CD59: variants seen among roughly 807,000 people sequenced by gnomAD.
CD59 encodes CD59 molecule (CD59 blood group).
CD59 carries 3 observed loss-of-function variants against 7.0 expected under a neutral mutation model. The observed-to-expected ratio is 0.43, with a 90% CI of 0.19 to 1.10. The LOEUF is 1.10. Among genes scored for constraint, CD59 ranks in the 50% least tolerant of loss-of-function variants. The probability of loss-of-function intolerance (pLI) is 0.29; values close to 1 mark genes in which losing one functional copy is unlikely to be tolerated. For missense variants in CD59, 143 were observed against 151.0 expected (o/e 0.95, Z 0.28); for synonymous variants, 60 against 62.0 (o/e 0.97, Z 0.15).
intron 3 of CD59, 81 bp downstream of exon 3, chr11:33,717,289 T>C (rs1853836867): frequency 1.3e-6 from 1 of 799,664 alleles, no homozygotes; most frequent in Non-Finnish European, 2.2e-6. Context: ...GCAAGCCTAA[T>C]GAGGATTACA....
intron 3 of CD59, among the ~76,000 whole-genome samples, chr11:33,715,335 C>G (rs1853740400): frequency 6.6e-6 from 1 of 152,152 alleles, no homozygotes; most frequent in Non-Finnish European, 1.5e-5. Flanking sequence ...CGTGGTAGCT[C>G]ACGCCTGTAA....
chr11:33,710,502 T>C (rs1853497419), intron 3 of CD59, among the ~76,000 whole-genome samples, 159 bp from the exon 4 acceptor site: 1 of 152,152 alleles, frequency 6.6e-6, no homozygotes, highest in South Asian at 2.1e-4. Flanking sequence ...ATTAAGTAAA[T>C]AATGATACAC....
rs144922489 is a variant in CD59, at chr11:33,717,021, G to T, written c.169+349C>A. On this transcript the variant is annotated intron_variant, in intron 3 of 3. Coordinates refer to ENST00000642928, the MANE Select transcript of CD59 (RefSeq NM_000611.6). ...TAACCCTCTGCTGGGCACACAGTAG[G>T]TTCTCCAAGGTCTGGGAGGCAGCAC... Among the ~76,000 whole-genome samples, 275 of 152,294 alleles carry T rather than the reference G, an allele frequency of 1.8e-3. 2 individuals are homozygous for T. Among genetic ancestry groups the T allele is most frequent in the Middle Eastern group, 6.8e-3 (2 of 294 alleles).
chr11:33,717,897 C>T (rs1853873137), intron 2 of CD59: 1 of 237,652 alleles, frequency 4.2e-6, no homozygotes, highest in Admixed American at 5.2e-5. Flanking sequence ...CGTGAAAATA[C>T]ATTTTCAAAA....
rs867821956 is a variant in CD59 at position 33,720,032 on chromosome 11, G to A, written c.67+2347C>T. ...TGGATTTTTGTGGTGGCTAGATCCC[G>A]GGCTCATTTGGCCTCTTAAGAAAGC... On this transcript the variant is annotated intron_variant, in intron 2 of 3. Transcript: ENST00000642928. Among the ~76,000 whole-genome samples, 77 of 152,274 alleles carry A rather than the reference G, an allele frequency of 5.1e-4. 1 individual carries two copies. The highest frequency in any genetic ancestry group is 2.7e-3 in the East Asian group (14 of 5,184).
chr11:33,722,566 T>C, intron 1 of CD59, 103 bp from the exon 2 acceptor site: 13 of 1,542,082 alleles, frequency 8.4e-6, no homozygotes, highest in Admixed American at 2.0e-5. Flanking sequence ...GAGAGGAACA[T>C]TTACAGGGGG....
chr11:33,717,474 A>G lies in CD59; in HGVS notation c.68-3T>C. On this transcript the variant is annotated splice_polypyrimidine_tract_variant and splice_region_variant and intron_variant, in intron 2 of 3. Coordinates refer to ENST00000642928, the MANE Select transcript of CD59 (RefSeq NM_000611.6). The stretch of plus-strand genomic sequence containing the variant: ...GTTGTAGCACTGCAGGCTATGACCT[A>G]GAATCAGGAAGAAAGTCAGGATCTC... 1 of 1,581,704 alleles carries G rather than the reference A, an allele frequency of 6.3e-7. No individual in the cohort carries two copies. Among genetic ancestry groups the G allele is most frequent in the Non-Finnish European group, 8.7e-7 (1 of 1,150,620 alleles).
At chr11:33,719,992 G>C (rs1161401964) in intron 2 of CD59, among the ~76,000 whole-genome samples, 3 of 152,224 alleles carry the variant, frequency 2.0e-5, no homozygotes, top group African/African-American at 7.2e-5. Context: ...CATTTTAAAA[G>C]GTTACCTGTA....
chr11:33,722,754 A>G (rs937466152), intron 1 of CD59: 1 of 1,145,846 alleles, frequency 8.7e-7, no homozygotes, highest in African/African-American at 1.6e-5. Context: ...TGACTCATAT[A>G]GCCACTGTGG....
chr11:33,717,659 T>C (rs1481316524), intron 2 of CD59, 188 bp from the exon 3 acceptor site: 1 of 601,676 alleles, frequency 1.7e-6, no homozygotes, highest in South Asian at 1.8e-5. Context: ...TGGACCCTGA[T>C]GCAAGCACAA....
chr11:33,722,550 G>C, intron 1 of CD59, 87 bp from the exon 2 acceptor site: 3 of 1,562,150 alleles, frequency 1.9e-6, no homozygotes, highest in East Asian at 2.4e-5. Context: ...GGCCAAGAAG[G>C]CTTCTGAGAG....
intron 3 of CD59, among the ~76,000 whole-genome samples, chr11:33,715,611 A>T (rs1487869663): frequency 6.6e-6 from 1 of 152,128 alleles, no homozygotes; most frequent in Non-Finnish European, 1.5e-5. Flanking sequence ...AAAAAGAAAA[A>T]AAAAACCAGA....
chr11:33,710,033 A>G lies in CD59; in HGVS notation c.*93T>C. The stretch of plus-strand genomic sequence containing the variant: ...ATTTTATTCTTTCCCAACAGGATCC[A>G]TTTGGAAAATATCAAGCCTTTAGAA... On this transcript the variant is annotated 3_prime_UTR_variant, in exon 4 of 4. Coordinates refer to ENST00000642928, the MANE Select transcript of CD59 (RefSeq NM_000611.6). The G allele has an allele frequency of 9.8e-7, 1 of 1,018,154 alleles. No homozygotes were observed. The highest frequency in any genetic ancestry group is 1.4e-5 in the South Asian group (1 of 73,602). 63.1% of individuals were successfully genotyped at this position (1,018,154 alleles called of 1,614,324 possible).
Position 33,716,091 on chromosome 11 carries a change from T to C in CD59, c.169+1279A>G, listed in dbSNP as rs2133540913. ...GCTTCCTACATTAACAGTGAATGAA[T>C]ATGGTCTTCCAGTGGGGGCAGAGGG... On this transcript the variant is annotated intron_variant, in intron 3 of 3. Coordinates refer to ENST00000642928, the MANE Select transcript of CD59 (RefSeq NM_000611.6). 2.0e-5 allele frequency among the ~76,000 whole-genome samples: 3 copies of C among 152,262 alleles called. No individual in the cohort carries two copies. The South Asian group carries it at 6.2e-4, about 32-fold the overall frequency.
intron 2 of CD59, chr11:33,718,934 A>G (rs1337731437): frequency 6.6e-6 from 1 of 152,232 alleles, no homozygotes. Flanking sequence ...TTCCATCATC[A>G]GAGATAAACT....
intron 1 of CD59, among the ~76,000 whole-genome samples, chr11:33,735,718 T>C (rs1854548797): frequency 6.6e-6 from 1 of 150,738 alleles, no homozygotes; most frequent in South Asian, 2.1e-4. Context: ...GAATTCAAGA[T>C]CAGCCTGACC....
rs947357842 is a variant in CD59, at chr11:33,707,807, G to A, written c.*2319C>T. 6.6e-6 allele frequency: 1 copy of A among 152,230 alleles called. No homozygotes were observed. Among genetic ancestry groups the A allele is most frequent in the Non-Finnish European group, 1.5e-5 (1 of 68,044 alleles). 9.4% of individuals were successfully genotyped at this position (152,230 alleles called of 1,614,324 possible). ...TCTACCTTAAGCTTACCCAGCGTGA[G>A]GCCAGGTTAGAAAGTCACAGGCCTT... On this transcript the variant is annotated 3_prime_UTR_variant, in exon 4 of 4. Coordinates refer to ENST00000642928, the MANE Select transcript of CD59 (RefSeq NM_000611.6).
rs548397301 is a variant in CD59 at position 33,707,941 on chromosome 11, G to A, written c.*2185C>T. ...GGCAGTCATTGTTCCGCTGTCAGGAGGAGAGGGGCCAGAAGGGTCACATTG... is the reference window on the plus strand; with the variant it reads ...GGCAGTCATTGTTCCGCTGTCAGGAAGAGAGGGGCCAGAAGGGTCACATTG... On this transcript the variant is annotated 3_prime_UTR_variant, in exon 4 of 4. Coordinates refer to ENST00000642928, the MANE Select transcript of CD59 (RefSeq NM_000611.6). The A allele has an allele frequency of 6.6e-6, 1 of 152,378 alleles. No individual in the cohort carries two copies. The highest frequency in any genetic ancestry group is 1.9e-4 in the East Asian group (1 of 5,184). 9.4% of individuals were successfully genotyped at this position (152,378 alleles called of 1,614,324 possible).
chr11:33,714,091 A>G (rs1034667768), intron 3 of CD59, among the ~76,000 whole-genome samples: 11 of 152,250 alleles, frequency 7.2e-5, no homozygotes, highest in African/African-American at 2.7e-4. Context: ...TTATACTGCT[A>G]GGATGCCAGT....
Sources: allele counts gnomAD v4.1 joint callset (sites outside exome capture counted in the v4.1 genomes callset), GRCh38; gene constraint gnomAD v4.1.1; transcripts MANE v1.5; gene names NCBI Gene and HGNC (gene_info 2026-07-23, HGNC 2026-07-21).